TNFSF10: variants seen among roughly 807,000 people sequenced by gnomAD.
TNFSF10 encodes tumor necrosis factor ligand superfamily member 10.
A neutral mutation model predicts 29.5 loss-of-function variants in TNFSF10; 13 were observed. The observed-to-expected ratio is 0.44, with a 90% CI of 0.29 to 0.70. TNFSF10 has a LOEUF of 0.70. Ranked by LOEUF, TNFSF10 falls within the 30% of genes least tolerant of loss-of-function variation. The pLI, the probability that TNFSF10 is intolerant of heterozygous loss-of-function variation, is 0.13. For synonymous variants in TNFSF10, 111 were observed against 112.8 expected (o/e 0.98, Z 0.10); for missense variants, 345 against 330.9 (o/e 1.04, Z -0.33).
intron 2 of TNFSF10, among the ~76,000 whole-genome samples, chr3:172,512,409 T>C (rs2108446435): frequency 6.6e-6 from 1 of 152,320 alleles, no homozygotes; most frequent in East Asian, 1.9e-4. Flanking sequence ...TGAATTCAGC[T>C]CTGTCCCTCC....
intron 1 of TNFSF10, chr3:172,517,446 C>T: frequency 1.0e-6 from 1 of 984,782 alleles, no homozygotes. Context: ...GTTTATAAAG[C>T]CTGGATACAT....
At chr3:172,522,720 T>C (rs1577017344) in intron 1 of TNFSF10, among the ~76,000 whole-genome samples, 1 of 152,366 alleles carries the variant, frequency 6.6e-6, no homozygotes, top group East Asian at 1.9e-4. Context: ...TAAGCAGAGC[T>C]GTCACAGTGT....
At chr3:172,514,649 A>T (rs1172218029) in intron 2 of TNFSF10, among the ~76,000 whole-genome samples, 1 of 152,202 alleles carries the variant, frequency 6.6e-6, no homozygotes, top group Non-Finnish European at 1.5e-5. Context: ...TGAACTCTAG[A>T]CCAGGAGTCG....
chr3:172,523,117 A>C (rs185125597), intron 1 of TNFSF10, 136 bp downstream of exon 1: 49 of 1,099,784 alleles, frequency 4.5e-5, no homozygotes, highest in Admixed American at 9.0e-5. Flanking sequence ...TTGTTATGTG[A>C]TTTAGCAGTT....
At chr3:172,517,702 G>T (rs1283870062) in intron 1 of TNFSF10, 1 of 984,984 alleles carries the variant, frequency 1.0e-6, no homozygotes, top group East Asian at 1.1e-4. Flanking sequence ...ATATAAAAAT[G>T]CTGTGTTCTT....
Position 172,523,347 on chromosome 3 carries a change from C to G in TNFSF10, c.38G>C (p.Gly13Ala), listed in dbSNP as rs751811765. 1.2e-6 allele frequency: 2 copies of G among 1,614,010 alleles called. No homozygotes were observed. The highest frequency in any genetic ancestry group is 1.7e-6 in the Non-Finnish European group (2 of 1,179,902). Residue 13 changes from glycine (G) to alanine (A), a missense_variant, in exon 1 of 5, where the codon GGA (glycine) becomes GCA (alanine). Physicochemically the swap from Gly to Ala is moderately conservative, Grantham distance 60 (BLOSUM62 0). Coordinates refer to ENST00000241261, the MANE Select transcript of TNFSF10 (RefSeq NM_003810.4). The stretch of plus-strand genomic sequence containing the variant: ...GATCACGATCAGCACGCAGGTCTGT[C>G]CCAGGCTGGGTCCCCCCTGGACCTC... ...MMEVQGGPSL[G>A]QTCVLIVIFT...
chr3:172,517,284 A>T (rs1441746636), intron 1 of TNFSF10: 2 of 968,032 alleles, frequency 2.1e-6, no homozygotes, highest in Non-Finnish European at 2.5e-6. Context: ...CCAGGTTAGC[A>T]CCAATTGCTG....
rs1712990281 is a variant in TNFSF10 at position 172,506,535 on chromosome 3, A to C, written c.803T>G (p.Met268Arg). The change falls in exon 5 of 5, where the codon ATG becomes AGG. Residue 268 changes from methionine to arginine, a missense_variant. Transcript: ENST00000241261. The part of the protein sequence containing the change: ...VSVTNEHLID[M>R]DHEASFFGAF... ...CCCAAAAAAACTGGCTTCATGGTCCATGTCTATCAAGTGCTCATTTGTTAC... is the reference window on the plus strand; with the variant it reads ...CCCAAAAAAACTGGCTTCATGGTCCCTGTCTATCAAGTGCTCATTTGTTAC... 1 of 1,613,702 alleles carries C rather than the reference A, an allele frequency of 6.2e-7. No homozygotes were observed. Among genetic ancestry groups the C allele is most frequent in the Admixed American group, 1.7e-5 (1 of 59,910 alleles).
intron 2 of TNFSF10, among the ~76,000 whole-genome samples, chr3:172,513,186 T>C (rs1713295353): frequency 6.6e-6 from 1 of 152,182 alleles, no homozygotes; most frequent in Non-Finnish European, 1.5e-5. Flanking sequence ...ATGTCCTCAC[T>C]ATTTCTCTTA....
chr3:172,508,901 GAAAGAAAGAAAGAA>G (rs1374013367), intron 4 of TNFSF10, among the ~76,000 whole-genome samples: 7 of 146,366 alleles, frequency 4.8e-5, no homozygotes, highest in South Asian at 2.1e-4. Context: ...AAAAAAAAAG[GAAAGAAAGAAAGAA>G]AAAGAAAGAA....
chr3:172,512,178 G>A (rs1035587196), intron 2 of TNFSF10, among the ~76,000 whole-genome samples: 5 of 152,166 alleles, frequency 3.3e-5, no homozygotes, highest in South Asian at 2.1e-4. Flanking sequence ...ATAGCCTATC[G>A]AGGTATAACC....
intron 3 of TNFSF10, among the ~76,000 whole-genome samples, chr3:172,510,226 A>G (rs1247787124): frequency 6.6e-6 from 1 of 152,176 alleles, no homozygotes; most frequent in African/African-American, 2.4e-5. Flanking sequence ...GGAGGCCAAG[A>G]TGGGTGGATC....
chr3:172,517,449 G>A lies in TNFSF10; in HGVS notation c.133-2451C>T, dbSNP rs945155136. The A allele has an allele frequency of 4.1e-6, 4 of 984,616 alleles. No homozygotes were observed. In the Admixed American group the frequency reaches 2.5e-4, roughly 61 times the overall value. The allele number at this position is 984,616 out of a possible 1,614,324, so 61.0% of individuals were successfully genotyped here. On this transcript the variant is annotated intron_variant, in intron 1 of 4. Coordinates refer to ENST00000241261, the MANE Select transcript of TNFSF10 (RefSeq NM_003810.4). The stretch of plus-strand genomic sequence containing the variant: ...TATTACCCAGGAGTTTATAAAGCCT[G>A]GATACATTCAGGATACACAGGCAAG...
chr3:172,506,593 C>G lies in TNFSF10; in HGVS notation c.745G>C (p.Glu249Gln). Residue 249 changes from glutamate to glutamine, a missense_variant, in exon 5 of 5, where the codon GAG becomes CAG. Physicochemically the swap from Glu to Gln is conservative, Grantham distance 29 (BLOSUM62 2). Coordinates refer to ENST00000241261, the MANE Select transcript of TNFSF10 (RefSeq NM_003810.4). ...AAAATTCTGTCATTTTCCTTAAGCT[C>G]AAATATTCCCCCTTGATAGATGGAA... ...LYSIYQGGIF[E>Q]LKENDRIFVS... 1 of 1,614,140 alleles carries G rather than the reference C, an allele frequency of 6.2e-7. No individual in the cohort carries two copies. The highest frequency in any genetic ancestry group is 2.2e-5 in the East Asian group (1 of 44,866).
chr3:172,511,794 G>T (rs1369535860), intron 2 of TNFSF10, 135 bp from the exon 3 acceptor site: 5 of 666,466 alleles, frequency 7.5e-6, no homozygotes, highest in Non-Finnish European at 1.0e-5. Flanking sequence ...TTTTAAGTTG[G>T]TCAAGCATAG....
Position 172,523,340 on chromosome 3 carries a change from G to C in TNFSF10, c.45C>G (p.Thr15=). The C allele has an allele frequency of 6.2e-7, 1 of 1,614,094 alleles. No homozygotes were observed. The highest frequency in any genetic ancestry group is 8.5e-7 in the Non-Finnish European group (1 of 1,179,950). Residue 15 remains threonine (T), a synonymous_variant, in exon 1 of 5, where the codon ACC becomes ACG. Coordinates refer to ENST00000241261, the MANE Select transcript of TNFSF10 (RefSeq NM_003810.4). ...EVQGGPSLGQ[T]CVLIVIFTVL... ...CTGTGAAGATCACGATCAGCACGCA[G>C]GTCTGTCCCAGGCTGGGTCCCCCCT...
chr3:172,522,238 TG>T (rs1713731081), intron 1 of TNFSF10: 7 of 544,756 alleles, frequency 1.3e-5, no homozygotes, highest in Non-Finnish European at 2.1e-5. Flanking sequence ...GAAATCTGTT[TG>T]CCAGAATTCA....
At chr3:172,509,422 G>C in intron 3 of TNFSF10, 101 bp from the exon 4 acceptor site, 1 of 745,852 alleles carries the variant, frequency 1.3e-6, no homozygotes, top group Non-Finnish European at 2.1e-6. Flanking sequence ...AAGCATACTG[G>C]GCTTCCAAAG....
At chr3:172,519,961 G>C (rs928798543) in intron 1 of TNFSF10, among the ~76,000 whole-genome samples, 1 of 152,210 alleles carries the variant, frequency 6.6e-6, no homozygotes, top group Admixed American at 6.5e-5. Flanking sequence ...GTGGAGGGAA[G>C]AGCCTACAGA....
Sources: allele counts gnomAD v4.1 joint callset (sites outside exome capture counted in the v4.1 genomes callset), GRCh38; gene constraint gnomAD v4.1.1; transcripts MANE v1.5; gene names NCBI Gene and HGNC (gene_info 2026-07-23, HGNC 2026-07-21).